Variants in NFASC observed in about 807,000 individuals in gnomAD.
The protein encoded by NFASC is neurofascin homolog.
In NFASC, 43 loss-of-function variants were observed where a neutral mutation model predicts 147.5. The ratio of observed to expected loss-of-function variants is 0.29; its 90% CI spans 0.23 to 0.38. The LOEUF (loss-of-function observed/expected upper bound fraction) is 0.38, where lower values mean the gene tolerates loss of function less well. Among genes scored for constraint, NFASC ranks in the 10% least tolerant of loss-of-function variants. The pLI is 1.00. For synonymous variants in NFASC, 622 were observed against 665.5 expected (o/e 0.93, Z 1.01); for missense variants, 1,320 against 1,689.0 (o/e 0.78, Z 3.83).
chr1:205,001,059 G>A (rs890734525), intron 25 of NFASC, 111 bp from the exon 26 acceptor site: 44 of 717,712 alleles, frequency 6.1e-5, no homozygotes, highest in Non-Finnish European at 1.0e-4. Context: ...GTGTGCGTGC[G>A]CGAGTGTGGG....
At chr1:205,011,422 G>GAGTT (rs2096252254) in intron 28 of NFASC, among the ~76,000 whole-genome samples, 1 of 152,208 alleles carries the variant, frequency 6.6e-6, no homozygotes, top group South Asian at 2.1e-4. Flanking sequence ...GAGAAAGCCT[G>GAGTT]AGTTAGGGAA....
rs185210528 is a variant in NFASC, at chr1:204,923,675, A to G, written c.-91+2935A>G. On this transcript the variant is annotated intron_variant, in intron 2 of 29. Transcript: ENST00000339876. ...GTGGGACCATGGAGCTTCATTAGGAACTGTCTTCCCCACCTGCTGCCCCCA... is the reference window on the plus strand; with the variant it reads ...GTGGGACCATGGAGCTTCATTAGGAGCTGTCTTCCCCACCTGCTGCCCCCA... Among the ~76,000 whole-genome samples, 154 of 152,196 alleles carry G rather than the reference A, an allele frequency of 1.0e-3. 1 individual carries two copies. The highest frequency in any genetic ancestry group is 3.6e-3 in the African/African-American group (149 of 41,524).
intron 3 of NFASC, among the ~76,000 whole-genome samples, chr1:204,945,772 G>A (rs966788170): frequency 1.8e-4 from 28 of 152,226 alleles, no homozygotes; most frequent in African/African-American, 5.8e-4. Context: ...CTCGAGGAGA[G>A]TTTCTCATTA....
intron 2 of NFASC, among the ~76,000 whole-genome samples, chr1:204,931,404 A>T (rs1016244367): frequency 3.9e-5 from 6 of 152,126 alleles, no homozygotes; most frequent in Non-Finnish European, 8.8e-5. Flanking sequence ...GCCCTGCTAC[A>T]TTTTTTTATC....
chr1:204,836,189 A>T (rs539963962), intron 1 of NFASC, among the ~76,000 whole-genome samples: 1 of 151,998 alleles, frequency 6.6e-6, no homozygotes, highest in Admixed American at 6.6e-5. Flanking sequence ...TGTGGTGCCT[A>T]TGTTAGTAGA....
intron 1 of NFASC, among the ~76,000 whole-genome samples, chr1:204,836,704 G>T (rs1427509005): frequency 1.4e-4 from 21 of 152,212 alleles, no homozygotes; most frequent in Non-Finnish European, 5.9e-5. Context: ...CTTTATGGAG[G>T]AAAATGCCTC....
chr1:205,020,093 G>C lies in NFASC; in HGVS notation c.*3554G>C, dbSNP rs1377204491. On this transcript the variant is annotated 3_prime_UTR_variant, in exon 30 of 30. Transcript: ENST00000339876. ...CCCTCCTTTGTGCTCTGAGAGGTTG[G>C]AGACATCTGGTCCACCCCATTGCCC... The C allele has an allele frequency of 6.6e-6, 1 of 152,238 alleles. No homozygotes were observed. The highest frequency in any genetic ancestry group is 1.5e-5 in the Non-Finnish European group (1 of 68,056). 9.4% of individuals were successfully genotyped at this position (152,238 alleles called of 1,614,324 possible). A position where few individuals can be genotyped will look rare whatever the true frequency, so the allele number is the denominator to read the frequency against.
chr1:204,904,500 T>C (rs2085354731), intron 1 of NFASC, among the ~76,000 whole-genome samples: 1 of 152,212 alleles, frequency 6.6e-6, no homozygotes. Context: ...TGGATGTCTG[T>C]TCTTAACTTT....
At chr1:204,893,083 A>G (rs1249862620) in intron 1 of NFASC, among the ~76,000 whole-genome samples, 1 of 152,254 alleles carries the variant, frequency 6.6e-6, no homozygotes, top group Non-Finnish European at 1.5e-5. Context: ...TAGAGTAAAT[A>G]GATACTCTGG....
Position 204,970,657 on chromosome 1 carries a change from G to C in NFASC, c.1045G>C (p.Ala349Pro). The change falls in exon 11 of 30, where the codon GCT becomes CCT. Residue 349 changes from alanine to proline, a missense_variant. This residue lies in a region of NFASC where 981 missense variants were observed against 1,289.5 expected (regional missense o/e 0.76). Transcript: ENST00000339876. ...WLDEPKNLIL[A>P]PGEDGRLVCR... is the part of the protein sequence containing the mutation. Reference sequence around the variant, plus strand: ...GGACGAACCCAAGAACCTTATTCTGGCTCCTGGCGAGGATGGGAGACTGGT... The same window carrying C: ...GGACGAACCCAAGAACCTTATTCTGCCTCCTGGCGAGGATGGGAGACTGGT... 1 of 1,614,174 alleles carries C rather than the reference G, an allele frequency of 6.2e-7. No homozygotes were observed. Among genetic ancestry groups the C allele is most frequent in the Non-Finnish European group, 8.5e-7 (1 of 1,180,042 alleles).
chr1:204,880,343 G>C (rs977190412), intron 1 of NFASC, among the ~76,000 whole-genome samples: 1 of 152,140 alleles, frequency 6.6e-6, no homozygotes, highest in South Asian at 2.1e-4. Context: ...TCATTGTAAT[G>C]TTTAATTTCT....
chr1:204,997,717 C>T (rs2095877345), intron 25 of NFASC: 4 of 484,968 alleles, frequency 8.2e-6, no homozygotes, highest in Non-Finnish European at 1.5e-5. Flanking sequence ...GCAGGGCCCC[C>T]AGGTTCCAGA....
At chr1:204,996,556 C>T (rs548799656) in intron 24 of NFASC, among the ~76,000 whole-genome samples, 29 of 152,240 alleles carry the variant, frequency 1.9e-4, no homozygotes, top group South Asian at 1.5e-3. Flanking sequence ...GAGCCAAGAC[C>T]GGAGGAGGGC....
chr1:204,989,273 G>A (rs72753436), intron 23 of NFASC: 3,869 of 175,742 alleles, frequency 0.022, 80 homozygotes, highest in Middle Eastern at 0.084. Flanking sequence ...TCAGGATGAC[G>A]CTGTTACTGG....
intron 25 of NFASC, chr1:204,997,725 A>G: frequency 2.1e-6 from 1 of 469,646 alleles, no homozygotes; most frequent in Non-Finnish European, 3.9e-6. Flanking sequence ...CCCAGGTTCC[A>G]GATGTTAGGA....
chr1:204,935,001 A>C (rs928768733), intron 2 of NFASC, among the ~76,000 whole-genome samples: 1 of 152,242 alleles, frequency 6.6e-6, no homozygotes, highest in South Asian at 2.1e-4. Context: ...CAAGGAATTC[A>C]TGGTGCAGTT....
intron 1 of NFASC, among the ~76,000 whole-genome samples, chr1:204,906,757 ACTGCAAGCTCCGCCTCCCGGGC>A (rs2086014517): frequency 1.8e-5 from 1 of 57,050 alleles, no homozygotes; most frequent in Admixed American, 1.3e-4. Context: ...ATCTCGGCTC[ACTGCAAGCTCCGCCTCCCGGGC>A]TCATGCCATT....
chr1:204,940,218 C>T (rs2802824), intron 2 of NFASC, among the ~76,000 whole-genome samples: 53,815 of 152,036 alleles, frequency 0.35, 10,451 homozygotes, highest in Non-Finnish European at 0.44. Context: ...TTTGGGAGGC[C>T]GAGCTGGGTG....
chr1:205,011,213 C>CCCCG (rs530040240), intron 28 of NFASC, among the ~76,000 whole-genome samples: 3 of 151,848 alleles, frequency 2.0e-5, no homozygotes, highest in South Asian at 2.1e-4. Flanking sequence ...CAGGACCCCC[C>CCCCG]CCAAAACTCA....
Sources: allele counts gnomAD v4.1 joint callset (sites outside exome capture counted in the v4.1 genomes callset), GRCh38; gene constraint gnomAD v4.1.1; regional missense constraint gnomAD v4.1.1; transcripts MANE v1.5; gene names NCBI Gene and HGNC (gene_info 2026-07-23, HGNC 2026-07-21).